Variants in SHISA6 observed in about 807,000 individuals in gnomAD.
SHISA6 encodes protein shisa-6.
SHISA6 carries 22 observed loss-of-function variants against 47.9 expected under a neutral mutation model. That is an observed-to-expected ratio of 0.46 (90% CI 0.33 to 0.66). SHISA6 has a LOEUF of 0.66. Ranked by LOEUF, SHISA6 falls within the 30% of genes least tolerant of loss-of-function variation. The probability of loss-of-function intolerance (pLI) is 0.02; values close to 1 mark genes in which losing one functional copy is unlikely to be tolerated. For missense variants in SHISA6, 680 were observed against 764.6 expected (o/e 0.89, Z 1.30); for synonymous variants, 388 against 337.8 (o/e 1.15, Z -1.63).
At chr17:11,348,080 G>T (rs963735459) in intron 2 of SHISA6, among the ~76,000 whole-genome samples, 1 of 152,160 alleles carries the variant, frequency 6.6e-6, no homozygotes, top group African/African-American at 2.4e-5. Context: ...AAGCATAATG[G>T]CATCAACAGA....
chr17:11,555,039 A>C (rs975580285), intron 4 of SHISA6, among the ~76,000 whole-genome samples: 2 of 152,144 alleles, frequency 1.3e-5, no homozygotes, highest in Non-Finnish European at 2.9e-5. Flanking sequence ...AGGGGAAGGA[A>C]GGAGAAAGTG....
intron 3 of SHISA6, among the ~76,000 whole-genome samples, chr17:11,462,232 G>C (rs1451061175): frequency 6.6e-6 from 1 of 152,176 alleles, no homozygotes; most frequent in African/African-American, 2.4e-5. Context: ...ACTGTGTTCT[G>C]TAAAGTATGC....
chr17:11,254,139 G>A (rs906854317), intron 1 of SHISA6, among the ~76,000 whole-genome samples: 1 of 152,182 alleles, frequency 6.6e-6, no homozygotes, highest in Admixed American at 6.5e-5. Context: ...ATCTAGCAAA[G>A]CCTTCTTTCA....
At chr17:11,283,509 C>A (rs1246922940) in intron 2 of SHISA6, among the ~76,000 whole-genome samples, 3 of 152,190 alleles carry the variant, frequency 2.0e-5, no homozygotes, top group East Asian at 3.8e-4. Flanking sequence ...TCTAAAGCCT[C>A]ATGTTGAATA....
chr17:11,552,170 G>T (rs1235402102), intron 4 of SHISA6, among the ~76,000 whole-genome samples: 1 of 152,182 alleles, frequency 6.6e-6, no homozygotes, highest in African/African-American at 2.4e-5. Flanking sequence ...ATATCAGAAT[G>T]ATCTCTTGAC....
At chr17:11,277,579 T>C (rs1040933098) in intron 2 of SHISA6, among the ~76,000 whole-genome samples, 1 of 152,160 alleles carries the variant, frequency 6.6e-6, no homozygotes, top group Non-Finnish European at 1.5e-5. Flanking sequence ...TAATACGTTA[T>C]ACAGAGTGCA....
intron 1 of SHISA6, among the ~76,000 whole-genome samples, chr17:11,256,006 C>T (rs562374196): frequency 6.6e-6 from 1 of 152,178 alleles, no homozygotes; most frequent in South Asian, 2.1e-4. Context: ...TATTTTTTGC[C>T]TCATTATTTT....
intron 3 of SHISA6, among the ~76,000 whole-genome samples, chr17:11,522,303 G>A (rs183668208): frequency 3.3e-5 from 5 of 150,918 alleles, no homozygotes; most frequent in South Asian, 4.2e-4. Context: ...TCGCTTTGTC[G>A]CCCAGACTGG....
intron 3 of SHISA6, among the ~76,000 whole-genome samples, chr17:11,517,544 C>T (rs575874059): frequency 1.1e-3 from 164 of 152,254 alleles, no homozygotes; most frequent in Non-Finnish European, 1.8e-3. Flanking sequence ...GCTCTGTCAC[C>T]CAGGCTGGAG....
chr17:11,397,894 C>T (rs75100437), intron 3 of SHISA6, among the ~76,000 whole-genome samples: 12 of 151,988 alleles, frequency 7.9e-5, no homozygotes, highest in Non-Finnish European at 1.6e-4. Flanking sequence ...TTAGAGCCCC[C>T]CCTTAGGCAT....
intron 1 of SHISA6, among the ~76,000 whole-genome samples, chr17:11,251,029 G>C (rs1452618224): frequency 6.6e-6 from 1 of 152,068 alleles, no homozygotes; most frequent in Admixed American, 6.5e-5. Context: ...TTGTAGATGA[G>C]GAAACCGATT....
At chr17:11,375,736 C>A (rs1348811752) in intron 2 of SHISA6, among the ~76,000 whole-genome samples, 1 of 152,134 alleles carries the variant, frequency 6.6e-6, no homozygotes, top group Non-Finnish European at 1.5e-5. Flanking sequence ...CTGAATTGTG[C>A]TGAGATTTGG....
At chr17:11,328,062 G>A (rs868415654) in intron 2 of SHISA6, among the ~76,000 whole-genome samples, 3 of 151,654 alleles carry the variant, frequency 2.0e-5, no homozygotes, top group South Asian at 2.1e-4. Context: ...TTATTTCTTC[G>A]GCAATTACTA....
chr17:11,360,415 C>G (rs1912227122), intron 2 of SHISA6, among the ~76,000 whole-genome samples: 1 of 152,022 alleles, frequency 6.6e-6, no homozygotes, highest in African/African-American at 2.4e-5. Context: ...CAAAAATTAG[C>G]TGGGCGTGGT....
chr17:11,398,039 A>G, intron 3 of SHISA6, among the ~76,000 whole-genome samples: 1 of 151,968 alleles, frequency 6.6e-6, no homozygotes. Flanking sequence ...TTTCTTAATA[A>G]CTACAAATGT....
chr17:11,441,598 G>A (rs780432694), intron 3 of SHISA6, among the ~76,000 whole-genome samples: 1 of 152,172 alleles, frequency 6.6e-6, no homozygotes, highest in Non-Finnish European at 1.5e-5. Flanking sequence ...TCTCCATTTT[G>A]CAGTTCTACT....
intron 2 of SHISA6, among the ~76,000 whole-genome samples, chr17:11,302,349 A>C (rs1436567022): frequency 6.6e-6 from 1 of 152,212 alleles, no homozygotes; most frequent in African/African-American, 2.4e-5. Context: ...AAGTTTGTCC[A>C]GTATAAAGTT....
chr17:11,435,713 A>AT lies in SHISA6; in HGVS notation c.895+56205dup, dbSNP rs550444128. On this transcript the variant is annotated intron_variant, in intron 3 of 5. Coordinates refer to ENST00000441885, the MANE Select transcript of SHISA6 (RefSeq NM_207386.4). ...CCAAAGGCTCATGGGGTTGCTGGTCATATTTCTGGGCCTGTCATAGCCTTT... is the reference window on the plus strand; with the variant it reads ...CCAAAGGCTCATGGGGTTGCTGGTCATTATTTCTGGGCCTGTCATAGCCTTT... Among the ~76,000 whole-genome samples the AT allele has an allele frequency of 5.2e-3, 789 of 152,234 alleles. 9 individuals are homozygous for AT. Among genetic ancestry groups the AT allele is most frequent in the African/African-American group, 0.018 (747 of 41,532 alleles).
chr17:11,516,710 T>A (rs1442535849), intron 3 of SHISA6, among the ~76,000 whole-genome samples: 1 of 152,246 alleles, frequency 6.6e-6, no homozygotes, highest in Non-Finnish European at 1.5e-5. Flanking sequence ...TACCAGTAAA[T>A]CCATCAAAGT....
Sources: allele counts gnomAD v4.1 joint callset (sites outside exome capture counted in the v4.1 genomes callset), GRCh38; gene constraint gnomAD v4.1.1; transcripts MANE v1.5; gene names NCBI Gene and HGNC (gene_info 2026-07-23, HGNC 2026-07-21).